Variants in ADARB2 observed in about 807,000 individuals in gnomAD.
ADARB2 encodes inactive double-stranded RNA-specific editase B2.
Under a neutral mutation model 62.2 loss-of-function variants are expected in ADARB2, and 25 were observed. The observed-to-expected ratio is 0.40, with a 90% confidence interval of 0.29 to 0.56. ADARB2 has a LOEUF of 0.56. Among genes scored for constraint, ADARB2 ranks in the 20% least tolerant of loss-of-function variants. ADARB2 has a pLI of 0.43. For synonymous variants in ADARB2, 572 were observed against 500.8 expected (o/e 1.14, Z -1.90); for missense variants, 1,071 against 1,077.4 (o/e 0.99, Z 0.08).
intron 1 of ADARB2, among the ~76,000 whole-genome samples, chr10:1,396,464 C>A (rs77304473): frequency 1.3e-5 from 2 of 152,158 alleles, no homozygotes; most frequent in Non-Finnish European, 2.9e-5. Context: ...TTGCCAGGCA[C>A]GTGCTGTGTC....
chr10:1,251,726 G>A (rs560911512), intron 4 of ADARB2, among the ~76,000 whole-genome samples: 1 of 152,260 alleles, frequency 6.6e-6, no homozygotes, highest in East Asian at 1.9e-4. Context: ...AAAAGGTGGG[G>A]CCTTTAGGAG....
intron 1 of ADARB2, among the ~76,000 whole-genome samples, chr10:1,534,106 G>C (rs535278592): frequency 1.8e-4 from 27 of 151,216 alleles, no homozygotes; most frequent in Non-Finnish European, 3.5e-4. Flanking sequence ...GGTTAAGAAG[G>C]ATTAGAAGGC....
At chr10:1,598,249 C>T (rs1588317341) in intron 1 of ADARB2, among the ~76,000 whole-genome samples, 2 of 152,114 alleles carry the variant, frequency 1.3e-5, no homozygotes, top group East Asian at 3.9e-4. Context: ...GGTGGGTGCA[C>T]TGGGACATCC....
At chr10:1,596,215 G>T (rs1301287241) in intron 1 of ADARB2, among the ~76,000 whole-genome samples, 1 of 152,214 alleles carries the variant, frequency 6.6e-6, no homozygotes, top group Admixed American at 6.5e-5. Flanking sequence ...GGTACTCAAT[G>T]GCAATGACAT....
intron 1 of ADARB2, among the ~76,000 whole-genome samples, chr10:1,710,728 C>T (rs1402357790): frequency 2.6e-5 from 4 of 152,208 alleles, no homozygotes; most frequent in Admixed American, 6.5e-5. Flanking sequence ...CTCCCGCAGA[C>T]TCTCAGGCTC....
Position 1,233,714 on chromosome 10 carries a change from G to C in ADARB2, c.1493C>G (p.Pro498Arg). The change falls in exon 6 of 10, where the codon CCC (proline) becomes CGC (arginine). Residue 498 changes from proline to arginine, a missense_variant. Pro to Arg is a moderately radical substitution (Grantham distance 103, BLOSUM62 -2). Transcript: ENST00000381312. ...CTTACGGTCTGTGGTGATCTCGTAG[G>C]GAGAGTGGAGTCTTGCGTCTCCACA... ...SPCGDARLHS[P>R]YEITTDLHSS... 1.2e-6 allele frequency: 2 copies of C among 1,613,734 alleles called. No homozygotes were observed. The highest frequency in any genetic ancestry group is 1.7e-6 in the Non-Finnish European group (2 of 1,179,842).
intron 1 of ADARB2, among the ~76,000 whole-genome samples, chr10:1,612,299 G>A (rs1159988815): frequency 1.3e-5 from 2 of 152,236 alleles, no homozygotes; most frequent in African/African-American, 2.4e-5. Context: ...AATAGAACAC[G>A]GGAAGCCAGG....
chr10:1,414,740 T>A (rs1169177363), intron 1 of ADARB2, among the ~76,000 whole-genome samples: 2 of 152,186 alleles, frequency 1.3e-5, no homozygotes, highest in Admixed American at 1.3e-4. Flanking sequence ...AAACTGTCTT[T>A]TTCTCAATCC....
At chr10:1,463,640 C>A (rs937471803) in intron 1 of ADARB2, among the ~76,000 whole-genome samples, 1 of 152,192 alleles carries the variant, frequency 6.6e-6, no homozygotes, top group African/African-American at 2.4e-5. Context: ...TCAACTTGTG[C>A]TACTGAAAGG....
At chr10:1,651,495 A>C (rs1834110669) in intron 1 of ADARB2, among the ~76,000 whole-genome samples, 1 of 152,064 alleles carries the variant, frequency 6.6e-6, no homozygotes, top group African/African-American at 2.4e-5. Context: ...CACCAGCTGC[A>C]CCCCTTTGCT....
intron 1 of ADARB2, among the ~76,000 whole-genome samples, chr10:1,640,767 T>C (rs1833971261): frequency 6.6e-6 from 1 of 152,232 alleles, no homozygotes; most frequent in Non-Finnish European, 1.5e-5. Context: ...GTTTGTTTTG[T>C]ATATCATTTG....
chr10:1,532,542 G>A (rs1367654235), intron 1 of ADARB2, among the ~76,000 whole-genome samples: 1 of 152,114 alleles, frequency 6.6e-6, no homozygotes, highest in Non-Finnish European at 1.5e-5. Flanking sequence ...AGGGGAAGGT[G>A]CGATTCCCTG....
At chr10:1,670,868 A>T (rs1413830007) in intron 1 of ADARB2, among the ~76,000 whole-genome samples, 1 of 152,206 alleles carries the variant, frequency 6.6e-6, no homozygotes, top group Non-Finnish European at 1.5e-5. Context: ...GCCGTGGCAA[A>T]AACGCTTCCA....
At chr10:1,378,873 G>A (rs1282556203) in intron 2 of ADARB2, among the ~76,000 whole-genome samples, 3 of 152,162 alleles carry the variant, frequency 2.0e-5, no homozygotes, top group Admixed American at 6.5e-5. Flanking sequence ...TTCCAGCTGA[G>A]GACAGAATTG....
At chr10:1,428,540 G>A (rs938787915) in intron 1 of ADARB2, among the ~76,000 whole-genome samples, 2 of 152,094 alleles carry the variant, frequency 1.3e-5, no homozygotes, top group African/African-American at 4.8e-5. Flanking sequence ...GCCCGCCTCT[G>A]CCTCCTAAAG....
chr10:1,707,190 C>T lies in ADARB2; in HGVS notation c.100+29861G>A, dbSNP rs547425746. Among the ~76,000 whole-genome samples the T allele has an allele frequency of 6.6e-5, 10 of 152,384 alleles. No individual in the cohort carries two copies. The South Asian group carries it at 8.3e-4, about 13-fold the overall frequency. ...GCGGTGTCCCGGATTCCTGCACCGG[C>T]GCACAGCTCAGCACCGCGGCCCCGA... On this transcript the variant is annotated intron_variant, in intron 1 of 9. Coordinates refer to ENST00000381312, the MANE Select transcript of ADARB2 (RefSeq NM_018702.4).
intron 1 of ADARB2, among the ~76,000 whole-genome samples, chr10:1,681,512 T>G (rs1285012206): frequency 6.6e-6 from 1 of 152,036 alleles, no homozygotes; most frequent in Non-Finnish European, 1.5e-5. Context: ...AACCAGGAAT[T>G]AGGCCACCTA....
chr10:1,545,423 G>C (rs1017072906), intron 1 of ADARB2, among the ~76,000 whole-genome samples: 5 of 152,182 alleles, frequency 3.3e-5, no homozygotes, highest in African/African-American at 4.8e-5. Context: ...TGGGATATAA[G>C]ATAAAGGAAA....
intron 1 of ADARB2, among the ~76,000 whole-genome samples, chr10:1,446,312 A>C (rs1830968248): frequency 3.6e-5 from 1 of 27,978 alleles, no homozygotes; most frequent in African/African-American, 7.4e-5. Context: ...AACTACCCAA[A>C]TGGTACCCCC....
Sources: gnomAD v4.1 joint callset for allele counts (sites outside exome capture counted in the v4.1 genomes callset) on GRCh38, gnomAD v4.1.1 for gene constraint, MANE v1.5 for transcripts, NCBI Gene and HGNC (gene_info 2026-07-23, HGNC 2026-07-21) for gene names.